The following EML4 variants were observed in gnomAD, a reference collection of about 807,000 sequenced individuals.
EML4 encodes the protein EMAP like 4.
Under a neutral mutation model 129.0 loss-of-function variants are expected in EML4, and 72 were observed. That is an observed-to-expected ratio of 0.56 (90% CI 0.46 to 0.68). The LOEUF (loss-of-function observed/expected upper bound fraction) is 0.68, where lower values mean the gene tolerates loss of function less well. Among genes scored for constraint, EML4 ranks in the 30% least tolerant of loss-of-function variants. EML4 has a pLI of 0.00. For synonymous variants in EML4, 532 were observed against 405.0 expected (o/e 1.31, Z -3.77); for missense variants, 1,363 against 1,190.6 (o/e 1.14, Z -2.13).
At chr2:42,209,307 C>T (rs1327983885) in intron 1 of EML4, among the ~76,000 whole-genome samples, 1 of 152,132 alleles carries the variant, frequency 6.6e-6, no homozygotes, top group Non-Finnish European at 1.5e-5. Flanking sequence ...TTTCAATACC[C>T]ATCTTTTTTC....
At chr2:42,178,109 TAAC>T (rs1318486349) in intron 1 of EML4, among the ~76,000 whole-genome samples, 3 of 152,176 alleles carry the variant, frequency 2.0e-5, no homozygotes, top group African/African-American at 7.2e-5. Flanking sequence ...AGAATATGTT[TAAC>T]AGCAGCAGCA....
intron 1 of EML4, among the ~76,000 whole-genome samples, chr2:42,207,500 C>T (rs772212776): frequency 2.6e-5 from 4 of 152,154 alleles, no homozygotes; most frequent in African/African-American, 9.7e-5. Flanking sequence ...TTCTTGCTTA[C>T]GTTAGCAGCT....
At chr2:42,218,848 G>C (rs1673368664) in intron 1 of EML4, among the ~76,000 whole-genome samples, 1 of 152,134 alleles carries the variant, frequency 6.6e-6, no homozygotes, top group Admixed American at 6.6e-5. Flanking sequence ...TAATTTTAAA[G>C]AGAGGGGGTC....
chr2:42,282,042 T>C (rs1021160817), intron 7 of EML4, among the ~76,000 whole-genome samples: 2 of 152,204 alleles, frequency 1.3e-5, no homozygotes, highest in East Asian at 1.9e-4. Flanking sequence ...AGCATAAATA[T>C]CCCTTTTCCA....
intron 2 of EML4, 42 bp downstream of exon 2, chr2:42,245,729 A>G (rs541553087): frequency 3.3e-5 from 50 of 1,497,678 alleles, no homozygotes; most frequent in African/African-American, 1.9e-4. Flanking sequence ...GCTTTTTGCA[A>G]TATTTTCTTT....
intron 1 of EML4, among the ~76,000 whole-genome samples, chr2:42,218,847 A>G (rs539299274): frequency 7.5e-4 from 114 of 152,260 alleles, no homozygotes; most frequent in African/African-American, 2.5e-3. Context: ...TTAATTTTAA[A>G]GAGAGGGGGT....
At chr2:42,285,435 G>T (rs1218039982) in intron 9 of EML4, among the ~76,000 whole-genome samples, 1 of 152,074 alleles carries the variant, frequency 6.6e-6, no homozygotes, top group Non-Finnish European at 1.5e-5. Context: ...TAACTTCTAA[G>T]ACCCCTTCCA....
intron 1 of EML4, among the ~76,000 whole-genome samples, chr2:42,177,699 A>G (rs991533334): frequency 6.6e-6 from 1 of 152,092 alleles, no homozygotes; most frequent in Non-Finnish European, 1.5e-5. Flanking sequence ...AATGTTCTAG[A>G]CTTTATTGGG....
At chr2:42,306,607 C>G (rs1266825512) in intron 17 of EML4, among the ~76,000 whole-genome samples, 1 of 150,154 alleles carries the variant, frequency 6.7e-6, no homozygotes, top group Non-Finnish European at 1.5e-5. Context: ...ATTCTCCTGC[C>G]TCAGCCTCCA....
intron 1 of EML4, among the ~76,000 whole-genome samples, chr2:42,185,882 C>T (rs994592818): frequency 6.6e-6 from 1 of 151,956 alleles, no homozygotes; most frequent in African/African-American, 2.4e-5. Context: ...ACAGGTCTTC[C>T]CTCTGGTTTT....
chr2:42,267,280 A>G (rs959945371), intron 6 of EML4, among the ~76,000 whole-genome samples: 5 of 152,334 alleles, frequency 3.3e-5, no homozygotes, highest in East Asian at 1.9e-4. Context: ...GTATTATCAG[A>G]TGAAAAGATA....
At chr2:42,189,355 A>G (rs1671448198) in intron 1 of EML4, among the ~76,000 whole-genome samples, 1 of 152,164 alleles carries the variant, frequency 6.6e-6, no homozygotes, top group African/African-American at 2.4e-5. Flanking sequence ...GGCCTTTATC[A>G]TGTCTCTCCT....
intron 1 of EML4, among the ~76,000 whole-genome samples, chr2:42,212,063 C>T (rs1040999049): frequency 6.6e-6 from 1 of 152,084 alleles, no homozygotes; most frequent in Non-Finnish European, 1.5e-5. Context: ...CCAGGCTGGT[C>T]TTGAGCTCCT....
chr2:42,203,630 A>T (rs1281111596), intron 1 of EML4, among the ~76,000 whole-genome samples: 2 of 132,234 alleles, frequency 1.5e-5, no homozygotes, highest in African/African-American at 3.0e-5. Context: ...TTCAGACTTT[A>T]TAGCCACCCC....
chr2:42,171,754 C>T (rs1207192710), intron 1 of EML4, among the ~76,000 whole-genome samples: 1 of 152,090 alleles, frequency 6.6e-6, no homozygotes, highest in Non-Finnish European at 1.5e-5. Flanking sequence ...GGCAGTATTT[C>T]TGGAGCTGTT....
chr2:42,282,120 G>A (rs1266666676), intron 7 of EML4, among the ~76,000 whole-genome samples: 1 of 151,252 alleles, frequency 6.6e-6, no homozygotes, highest in African/African-American at 2.4e-5. Flanking sequence ...TCCTCCATTT[G>A]GGCTTTCTCC....
intron 18 of EML4, 23 bp downstream of exon 18, chr2:42,316,073 C>G: frequency 6.5e-7 from 1 of 1,537,778 alleles, no homozygotes; most frequent in Non-Finnish European, 9.0e-7. Flanking sequence ...ACTCCCACCT[C>G]CCAAGCATGG....
intron 1 of EML4, among the ~76,000 whole-genome samples, chr2:42,201,371 A>C (rs1481260838): frequency 6.6e-6 from 1 of 152,218 alleles, no homozygotes; most frequent in Admixed American, 6.5e-5. Flanking sequence ...TAACTTGCCC[A>C]AGAGCGCACA....
rs2103827896 is a variant in EML4, at chr2:42,325,468, G to C, written c.2156G>C (p.Gly719Ala). 6.6e-7 allele frequency: 1 copy of C among 1,507,740 alleles called. No individual in the cohort carries two copies. The highest frequency in any genetic ancestry group is 9.2e-7 in the Non-Finnish European group (1 of 1,089,826). 93.4% of individuals were successfully genotyped at this position (1,507,740 alleles called of 1,614,324 possible). ...RKYSRYGRCT[G>A]HSSYITHLDW... ...AACAATTTATCTGTTATTTTCTAGG[G>C]ACATTCCAGCTACATCACACACCTT... The change falls in exon 20 of 23, where the codon GGA becomes GCA. Residue 719 changes from glycine (G) to alanine (A), a missense_variant and splice_region_variant. Transcript: ENST00000318522.
Sources: allele counts gnomAD v4.1 joint callset (sites outside exome capture counted in the v4.1 genomes callset), GRCh38; gene constraint gnomAD v4.1.1; transcripts MANE v1.5; gene names NCBI Gene and HGNC (gene_info 2026-07-23, HGNC 2026-07-21).